The following QTRT1 variants were observed in gnomAD, a reference collection of about 807,000 sequenced individuals.
The protein encoded by QTRT1 is TGT, 43-KD subunit.
QTRT1 carries 41 observed loss-of-function variants against 44.0 expected under a neutral mutation model. That is an observed-to-expected ratio of 0.93 (90% CI 0.73 to 1.21). The LOEUF (loss-of-function observed/expected upper bound fraction) is 1.21, where lower values mean the gene tolerates loss of function less well. Ranked by LOEUF, QTRT1 falls within the 50% of genes most tolerant of loss-of-function variation. QTRT1 has a pLI of 0.00. For synonymous variants in QTRT1, 226 were observed against 237.1 expected (o/e 0.95, Z 0.43); for missense variants, 542 against 575.8 (o/e 0.94, Z 0.60).
chr19:10,701,794 A>C, intron 1 of QTRT1, 91 bp downstream of exon 1: 2 of 1,567,646 alleles, frequency 1.3e-6, no homozygotes. Flanking sequence ...CTCCTCCCAA[A>C]GTCAATCGAC....
In QTRT1 at chr19:10,702,389, CG is replaced by C. The variant is rs1000553750; in HGVS notation, c.451+140del. 28 of 948,188 alleles carry C rather than the reference CG, an allele frequency of 3.0e-5. No individual in the cohort carries two copies. In the African/African-American group the frequency reaches 3.3e-4, roughly 11 times the overall value. 58.7% of individuals were successfully genotyped at this position (948,188 alleles called of 1,614,324 possible). A position where few individuals can be genotyped will look rare whatever the true frequency, so the allele number is the denominator to read the frequency against. On this transcript the variant is annotated intron_variant, in intron 3 of 9. Transcript: ENST00000250237. Reference sequence around the variant, plus strand: ...GAGCTTCAGTTGAACCAACTCAAAGCGGGGGTAAATAGTAGCAGGTCTTTGG... The same window carrying C: ...GAGCTTCAGTTGAACCAACTCAAAGCGGGGTAAATAGTAGCAGGTCTTTGG...
intron 3 of QTRT1, among the ~76,000 whole-genome samples, chr19:10,702,740 C>T (rs550502095): frequency 1.3e-5 from 2 of 150,968 alleles, no homozygotes; most frequent in South Asian, 4.2e-4. Flanking sequence ...TAGGCTTCTC[C>T]CATATCCTCA....
At chr19:10,709,858 A>G (rs1426385095) in intron 5 of QTRT1, among the ~76,000 whole-genome samples, 2 of 151,694 alleles carry the variant, frequency 1.3e-5, no homozygotes, top group African/African-American at 2.4e-5. Context: ...CAAAAAAAAA[A>G]AAATTAGCCA....
At position 10,713,243 on chromosome 19, in the gene QTRT1, G is replaced by T; in HGVS notation, c.1185G>T (p.Leu395=). ...TLCPTWATDA[L]ASVGITLG is the part of the protein sequence containing the mutation. ...GTCCCACCTGGGCCACTGACGCTCTGGCCTCTGTGGGAATCACACTGGGCT... is the reference window on the plus strand; with the variant it reads ...GTCCCACCTGGGCCACTGACGCTCTTGCCTCTGTGGGAATCACACTGGGCT... The change falls in exon 10 of 10, where the codon CTG becomes CTT. Residue 395 remains leucine, a synonymous_variant. Coordinates refer to ENST00000250237, the MANE Select transcript of QTRT1 (RefSeq NM_031209.3). The surrounding 1 kb of genome is among the most constrained non-coding windows in gnomAD (Gnocchi z 4.3). 1 of 1,595,648 alleles carries T rather than the reference G, an allele frequency of 6.3e-7. No homozygotes were observed.
At chr19:10,708,408 C>T (rs1037905796) in intron 5 of QTRT1, among the ~76,000 whole-genome samples, 7 of 152,066 alleles carry the variant, frequency 4.6e-5, no homozygotes, top group African/African-American at 1.2e-4. Context: ...AGGTGCACGC[C>T]GGTGTGTCCA....
At chr19:10,705,858 TTTTTTTTTTTTTG>T in intron 3 of QTRT1, among the ~76,000 whole-genome samples, 2 of 125,370 alleles carry the variant, frequency 1.6e-5, no homozygotes, top group African/African-American at 6.2e-5. Context: ...TTTTTTTTTT[TTTTTTTTTTTTTG>T]TGGAGACAGA....
chr19:10,712,480 G>A lies in QTRT1; in HGVS notation c.786-73G>A, dbSNP rs1436734693. 9 of 1,487,832 alleles carry A rather than the reference G, an allele frequency of 6.0e-6. No individual in the cohort carries two copies. In the East Asian group the frequency reaches 1.6e-4, roughly 26 times the overall value. The allele number at this position is 1,487,832 out of a possible 1,614,324, so 92.2% of individuals were successfully genotyped here. ...AGGGAATATGGCCCAGTCTGGGGCA[G>A]TGTGAGGGTTGGGAGGGGCCCTGGG... On this transcript the variant is annotated intron_variant, in intron 6 of 9. Transcript: ENST00000250237. This position sits in a 1 kb window ranked among gnomAD's most constrained non-coding sequence, Gnocchi z 5.6.
rs765430660 is a variant in QTRT1 at position 10,712,667 on chromosome 19, G to A, written c.861+39G>A. The A allele has an allele frequency of 7.8e-7, 1 of 1,289,400 alleles. No individual in the cohort carries two copies. Among genetic ancestry groups the A allele is most frequent in the Non-Finnish European group, 1.1e-6 (1 of 942,852 alleles). The allele number at this position is 1,289,400 out of a possible 1,614,324, so 79.9% of individuals were successfully genotyped here. A position where few individuals can be genotyped will look rare whatever the true frequency, so the allele number is the denominator to read the frequency against. On this transcript the variant is annotated intron_variant, in intron 7 of 9. Coordinates refer to ENST00000250237, the MANE Select transcript of QTRT1 (RefSeq NM_031209.3). This position sits in a 1 kb window ranked among gnomAD's most constrained non-coding sequence, Gnocchi z 5.6. ...AGAAGGAGGTCAGGGCGGGAGACGGGTGGGGGACTAGGGAGGCAAGGTTAG... is the reference window on the plus strand; with the variant it reads ...AGAAGGAGGTCAGGGCGGGAGACGGATGGGGGACTAGGGAGGCAAGGTTAG...
At chr19:10,705,886 C>T (rs1311941204) in intron 3 of QTRT1, among the ~76,000 whole-genome samples, 5 of 107,210 alleles carry the variant, frequency 4.7e-5, no homozygotes, top group African/African-American at 1.5e-4. Flanking sequence ...GACAGAGTCT[C>T]GCTCTGTCAC....
intron 5 of QTRT1, chr19:10,711,761 A>G (rs1031672377): frequency 1.1e-5 from 3 of 267,944 alleles, no homozygotes; most frequent in East Asian, 1.1e-4. Context: ...TGCGCCTAAC[A>G]TGACAGCTGT....
Position 10,712,117 on chromosome 19 carries a change from C to G in QTRT1, c.647-44C>G. ...GTGTGTTCTGGGATTGAAGACCAGG[C>G]GCATTTCCTCTTCTGTGGCCCTCAC... On this transcript the variant is annotated intron_variant, in intron 5 of 9. Transcript: ENST00000250237. The surrounding 1 kb of genome is among the most constrained non-coding windows in gnomAD (Gnocchi z 5.6). 1.2e-6 allele frequency: 2 copies of G among 1,608,916 alleles called. No individual in the cohort carries two copies. Among genetic ancestry groups the G allele is most frequent in the Non-Finnish European group, 1.7e-6 (2 of 1,179,702 alleles).
Position 10,713,238 on chromosome 19 carries a change from G to T in QTRT1, c.1180G>T (p.Ala394Ser). The change falls in exon 10 of 10, where the codon GCT (alanine) becomes TCT (serine). Residue 394 changes from alanine (A) to serine (S), a missense_variant. Physicochemically the swap from Ala to Ser is moderately conservative, Grantham distance 99. Transcript: ENST00000250237. The surrounding 1 kb of genome is among the most constrained non-coding windows in gnomAD (Gnocchi z 4.3). ...PTLCPTWATD[A>S]LASVGITLG Reference sequence around the variant, plus strand: ...CCTCTGTCCCACCTGGGCCACTGACGCTCTGGCCTCTGTGGGAATCACACT... The same window carrying T: ...CCTCTGTCCCACCTGGGCCACTGACTCTCTGGCCTCTGTGGGAATCACACT... The T allele has an allele frequency of 4.4e-6, 7 of 1,599,642 alleles. No individual in the cohort carries two copies. Among genetic ancestry groups the T allele is most frequent in the Non-Finnish European group, 6.0e-6 (7 of 1,172,860 alleles).
rs761432113 is a variant in QTRT1 at position 10,712,537 on chromosome 19, A to T, written c.786-16A>T. 6.2e-7 allele frequency: 1 copy of T among 1,611,042 alleles called. No homozygotes were observed. The highest frequency in any genetic ancestry group is 2.2e-5 in the East Asian group (1 of 44,860). ...CTGAGGTTCTCTGCCCCCTCCCGTC[A>T]TGGCTGCAACCCCAGCTATGCCACT... is the stretch of plus-strand genomic sequence containing the variant. On this transcript the variant is annotated splice_polypyrimidine_tract_variant and intron_variant, in intron 6 of 9. Transcript: ENST00000250237. This position sits in a 1 kb window ranked among gnomAD's most constrained non-coding sequence, Gnocchi z 5.6.
At chr19:10,707,174 C>A in intron 3 of QTRT1, 128 bp from the exon 4 acceptor site, 1 of 877,916 alleles carries the variant, frequency 1.1e-6, no homozygotes, top group East Asian at 2.4e-5. Flanking sequence ...GGGAAAGTCA[C>A]GTGGGAGTTA....
At chr19:10,705,870 T>TG (rs2068711418) in intron 3 of QTRT1, among the ~76,000 whole-genome samples, 2 of 140,866 alleles carry the variant, frequency 1.4e-5, no homozygotes, top group African/African-American at 5.4e-5. Context: ...TTTTTTTTTT[T>TG]GTGGAGACAG....
chr19:10,704,611 G>A (rs924506001), intron 3 of QTRT1, among the ~76,000 whole-genome samples: 5 of 148,658 alleles, frequency 3.4e-5, no homozygotes, highest in Non-Finnish European at 7.4e-5. Context: ...TTTTGAAACC[G>A]AGTTTCGCTC....
rs2068695731 is a variant in QTRT1, at chr19:10,702,735, T to C, written c.451+481T>C. On this transcript the variant is annotated intron_variant, in intron 3 of 9. Transcript: ENST00000250237. Reference sequence around the variant, plus strand: ...CAAGAGGATTGGGGAGGCTTTAGGCTTCTCCCATATCCTCAATATCCTTCT... The same window carrying C: ...CAAGAGGATTGGGGAGGCTTTAGGCCTCTCCCATATCCTCAATATCCTTCT... Among the ~76,000 whole-genome samples the C allele has an allele frequency of 2.0e-5, 3 of 150,994 alleles. No homozygotes were observed. In the South Asian group the frequency reaches 6.2e-4, roughly 31 times the overall value.
chr19:10,713,325 T>C lies in QTRT1; in HGVS notation c.*55T>C. The stretch of plus-strand genomic sequence containing the variant: ...AAGGGAGGGAGGGGCTGGAAGATAC[T>C]GAAGGATTCCTTTTTGAAAGGTTTT... On this transcript the variant is annotated 3_prime_UTR_variant, in exon 10 of 10. Transcript: ENST00000250237. This position sits in a 1 kb window ranked among gnomAD's most constrained non-coding sequence, Gnocchi z 4.3. 1 of 1,570,586 alleles carries C rather than the reference T, an allele frequency of 6.4e-7. No individual in the cohort carries two copies.
intron 3 of QTRT1, among the ~76,000 whole-genome samples, chr19:10,703,000 C>T (rs1231288662): frequency 6.0e-5 from 9 of 150,002 alleles, no homozygotes; most frequent in Non-Finnish European, 1.2e-4. Flanking sequence ...AACTCCTGAG[C>T]TCAGGTGATC....
Sources: allele counts gnomAD v4.1 joint callset (sites outside exome capture counted in the v4.1 genomes callset), GRCh38; gene constraint gnomAD v4.1.1; non-coding constraint Gnocchi (gnomAD v3.1); transcripts MANE v1.5; gene names NCBI Gene and HGNC (gene_info 2026-07-23, HGNC 2026-07-21).